TBATA: variants seen among roughly 807,000 people sequenced by gnomAD.
The protein encoded by TBATA is thymus, brain and testes associated, also known as protein TBATA.
In TBATA, 47 loss-of-function variants were observed where a neutral mutation model predicts 38.7. That is an observed-to-expected ratio of 1.21 (90% CI 0.96 to 1.55). The LOEUF (loss-of-function observed/expected upper bound fraction) is 1.55. Ranked by LOEUF, TBATA falls within the 40% of genes most tolerant of loss-of-function variation. TBATA has a pLI of 0.00. For missense variants in TBATA, 436 were observed against 435.6 expected (o/e 1.00, Z -0.01); for synonymous variants, 183 against 170.5 (o/e 1.07, Z -0.57).
intron 3 of TBATA, 52 bp from the exon 4 acceptor site, chr10:70,782,088 C>T: frequency 6.4e-7 from 1 of 1,568,434 alleles, no homozygotes; most frequent in Non-Finnish European, 8.7e-7. Flanking sequence ...TGGCAGTGGG[C>T]CCACCTGGGC....
chr10:70,778,547 C>G lies in TBATA; in HGVS notation c.507+10G>C, dbSNP rs1260244477. 1 of 1,613,708 alleles carries G rather than the reference C, an allele frequency of 6.2e-7. No homozygotes were observed. Among genetic ancestry groups the G allele is most frequent in the African/African-American group, 1.3e-5 (1 of 75,036 alleles). The stretch of plus-strand genomic sequence containing the variant: ...CTCTTCCCAGACTAGCTCCTGTGTT[C>G]CGCACCCACCTCTTTCTTCTTCAGT... On this transcript the variant is annotated intron_variant, in intron 6 of 10. Transcript: ENST00000456372.
chr10:70,777,089 A>G (rs577666493), intron 7 of TBATA, 64 bp downstream of exon 7: 2 of 1,546,762 alleles, frequency 1.3e-6, no homozygotes, highest in Non-Finnish European at 1.7e-6. Flanking sequence ...GCCTTGCCCT[A>G]AAGCGGTTTG....
Position 70,774,275 on chromosome 10 carries a change from C to A in TBATA, c.858G>T (p.Lys286Asn). The A allele has an allele frequency of 6.2e-7, 1 of 1,611,490 alleles. No individual in the cohort carries two copies. Among genetic ancestry groups the A allele is most frequent in the Non-Finnish European group, 8.5e-7 (1 of 1,179,374 alleles). The part of the protein sequence containing the change: ...PQPLVSIPTE[K>N]LLSQLPEVHE... ...GCACTTCTGGAAGCTGGCTTAGGAG[C>A]TTTTCTGTAGGGATGGAGACTAGGG... The change falls in exon 9 of 11, where the codon AAG becomes AAT. Residue 286 changes from lysine to asparagine, a missense_variant. Physicochemically the swap from Lys to Asn is moderately conservative, Grantham distance 94. Coordinates refer to ENST00000456372, the MANE Select transcript of TBATA (RefSeq NM_001318241.2).
In TBATA at chr10:70,774,209, C is replaced by A; in HGVS notation, c.920+4G>T. On this transcript the variant is annotated splice_donor_region_variant and intron_variant, in intron 9 of 10. Coordinates refer to ENST00000456372, the MANE Select transcript of TBATA (RefSeq NM_001318241.2). Reference sequence around the variant, plus strand: ...AGAAGGGCAGGGCGGGGTGCGGGGCCCACCTGCAGGGTGGCTCTTGCTTCT... The same window carrying A: ...AGAAGGGCAGGGCGGGGTGCGGGGCACACCTGCAGGGTGGCTCTTGCTTCT... 1.2e-6 allele frequency: 2 copies of A among 1,611,752 alleles called. No homozygotes were observed. The highest frequency in any genetic ancestry group is 1.7e-6 in the Non-Finnish European group (2 of 1,179,498).
chr10:70,784,965 T>C (rs1026231905), intron 1 of TBATA, among the ~76,000 whole-genome samples, 192 bp from the exon 2 acceptor site: 1 of 152,204 alleles, frequency 6.6e-6, no homozygotes, highest in Non-Finnish European at 1.5e-5. Flanking sequence ...TACCCTATTT[T>C]TGGTTTTTAT....
At chr10:70,782,819 C>T (rs1244477916) in intron 3 of TBATA, among the ~76,000 whole-genome samples, 2 of 152,226 alleles carry the variant, frequency 1.3e-5, no homozygotes, top group Non-Finnish European at 2.9e-5. Context: ...TGCCTGATCG[C>T]TGTCTGCATG....
intron 8 of TBATA, among the ~76,000 whole-genome samples, 155 bp from the exon 9 acceptor site, chr10:70,774,512 T>C (rs1179972031): frequency 1.3e-5 from 2 of 152,098 alleles, no homozygotes; most frequent in Non-Finnish European, 2.9e-5. Context: ...CCTTCTCTCC[T>C]GGCCCATGTG....
chr10:70,776,904 C>T (rs2254415), intron 7 of TBATA, among the ~76,000 whole-genome samples: 26,203 of 152,092 alleles, frequency 0.17, 2,682 homozygotes, highest in African/African-American at 0.27. Flanking sequence ...AAGGGACCCT[C>T]GACAACAGTG....
Sources: gnomAD v4.1 joint callset for allele counts (sites outside exome capture counted in the v4.1 genomes callset) on GRCh38, gnomAD v4.1.1 for gene constraint, MANE v1.5 for transcripts, NCBI Gene and HGNC (gene_info 2026-07-23, HGNC 2026-07-21) for gene names.